Variants in FAM114A2 observed in about 807,000 individuals in gnomAD.
FAM114A2 encodes the protein protein FAM114A2.
Under a neutral mutation model 58.4 loss-of-function variants are expected in FAM114A2, and 53 were observed. The observed-to-expected ratio is 0.91, with a 90% confidence interval of 0.73 to 1.14. FAM114A2 has a LOEUF of 1.14. Among genes scored for constraint, FAM114A2 ranks in the 50% most tolerant of loss-of-function variants. The pLI, the probability that FAM114A2 is intolerant of heterozygous loss-of-function variation, is 0.00. For synonymous variants in FAM114A2, 228 were observed against 211.4 expected, an observed-to-expected ratio of 1.08 and a Z score of -0.68; for missense variants, 601 against 581.1, an observed-to-expected ratio of 1.03 and a Z score of -0.35.
At chr5:154,027,894 C>CA (rs1771901125) in intron 6 of FAM114A2, among the ~76,000 whole-genome samples, 1 of 152,048 alleles carries the variant, frequency 6.6e-6, no homozygotes, top group African/African-American at 2.4e-5. Context: ...AACAAACAAA[C>CA]AAAAAACCCT....
At chr5:154,024,378 C>A (rs1224797624) in intron 8 of FAM114A2, among the ~76,000 whole-genome samples, 1 of 152,024 alleles carries the variant, frequency 6.6e-6, no homozygotes, top group African/African-American at 2.4e-5. Flanking sequence ...CACTTATTAA[C>A]ATAAACCTAC....
intron 1 of FAM114A2, among the ~76,000 whole-genome samples, chr5:154,035,793 TAC>T (rs1424875983): frequency 6.6e-6 from 1 of 152,236 alleles, no homozygotes; most frequent in Non-Finnish European, 1.5e-5. Flanking sequence ...TACACCATTT[TAC>T]ATTTCCACCA....
At chr5:153,997,299 A>C (rs766364263) in intron 12 of FAM114A2, among the ~76,000 whole-genome samples, 2 of 152,220 alleles carry the variant, frequency 1.3e-5, no homozygotes, top group Non-Finnish European at 2.9e-5. Flanking sequence ...AAAAACATAC[A>C]TGCATGTTCA....
At chr5:154,008,112 A>T (rs1022673241) in intron 9 of FAM114A2, among the ~76,000 whole-genome samples, 1 of 152,230 alleles carries the variant, frequency 6.6e-6, no homozygotes, top group Non-Finnish European at 1.5e-5. Flanking sequence ...TGAAAAAAGC[A>T]GAGCGCTAAA....
In FAM114A2 at chr5:154,028,261, C is replaced by A. The variant is rs779259950; in HGVS notation, c.518G>T (p.Gly173Val). 2.5e-6 allele frequency: 4 copies of A among 1,603,234 alleles called. No individual in the cohort carries two copies. Among genetic ancestry groups the A allele is most frequent in the Non-Finnish European group, 8.5e-7 (1 of 1,171,586 alleles). The stretch of plus-strand genomic sequence containing the variant: ...TCCAATGAATTCTAAGGCATCCAAA[C>A]CCCCACTTATAACACTCTTTCCCTA... ...QSTGKSVISGGLDALEFIGKK... is the reference protein window; with the variant it reads ...QSTGKSVISGVLDALEFIGKK... Residue 173 changes from glycine to valine, a missense_variant, in exon 6 of 14, where the codon GGT becomes GTT. Gly to Val is a moderately radical substitution (Grantham distance 109). Coordinates refer to ENST00000351797, the MANE Select transcript of FAM114A2 (RefSeq NM_018691.4).
At chr5:154,006,107 A>G (rs1210521281) in intron 9 of FAM114A2, among the ~76,000 whole-genome samples, 1 of 152,262 alleles carries the variant, frequency 6.6e-6, no homozygotes, top group African/African-American at 2.4e-5. Flanking sequence ...AGCATGAACT[A>G]TATAAAGGCT....
chr5:154,011,152 C>A (rs1554082180), intron 9 of FAM114A2, 89 bp downstream of exon 9: 14 of 1,035,102 alleles, frequency 1.4e-5, no homozygotes, highest in East Asian at 2.4e-5. Context: ...TTTGGTGACA[C>A]CTCTGCCAGG....
chr5:154,027,212 T>G lies in FAM114A2; in HGVS notation c.753A>C (p.Glu251Asp), dbSNP rs1771844734. ...TTTCTTGGGAAAGCATCTCCAGAGC[T>G]TCTAGATGTGAAAGGCCTTGAAATT... is the stretch of plus-strand genomic sequence containing the variant. ...FDEFQGLSHLEALEMLSQESE... is the reference protein window; with the variant it reads ...FDEFQGLSHLDALEMLSQESE... Residue 251 changes from glutamate to aspartate, a missense_variant, in exon 7 of 14, where the codon GAA (glutamate) becomes GAC (aspartate). By Grantham distance (45) the Glu-to-Asp change is conservative (BLOSUM62 2). Coordinates refer to ENST00000351797, the MANE Select transcript of FAM114A2 (RefSeq NM_018691.4). The G allele has an allele frequency of 6.2e-7, 1 of 1,613,384 alleles. No homozygotes were observed. The highest frequency in any genetic ancestry group is 1.1e-5 in the South Asian group (1 of 91,004).
intron 6 of FAM114A2, 80 bp from the exon 7 acceptor site, chr5:154,027,414 C>T (rs1410407154): frequency 1.2e-5 from 15 of 1,272,806 alleles, no homozygotes; most frequent in Non-Finnish European, 1.6e-5. Flanking sequence ...GGAAGCAAAG[C>T]TTAGACAGGT....
At chr5:154,025,700 T>C (rs1000181360) in intron 8 of FAM114A2, among the ~76,000 whole-genome samples, 8 of 152,050 alleles carry the variant, frequency 5.3e-5, no homozygotes, top group African/African-American at 1.9e-4. Context: ...GATTCCACTT[T>C]TTTAAAAAAA....
chr5:154,021,234 C>A (rs1426198784), intron 8 of FAM114A2, among the ~76,000 whole-genome samples: 3 of 152,124 alleles, frequency 2.0e-5, no homozygotes, highest in Non-Finnish European at 4.4e-5. Flanking sequence ...TGAAAACTGG[C>A]ACAAGACAGG....
intron 8 of FAM114A2, among the ~76,000 whole-genome samples, chr5:154,018,970 T>C (rs767403648): frequency 2.0e-5 from 3 of 152,076 alleles, no homozygotes; most frequent in Non-Finnish European, 4.4e-5. Flanking sequence ...TGGAGAGAAG[T>C]TGAAAGCATT....
chr5:154,018,299 A>G (rs1771179121), intron 8 of FAM114A2, among the ~76,000 whole-genome samples: 1 of 152,224 alleles, frequency 6.6e-6, no homozygotes, highest in Admixed American at 6.5e-5. Context: ...CGCATAAACT[A>G]GAAAACCTAG....
intron 8 of FAM114A2, among the ~76,000 whole-genome samples, chr5:154,018,461 C>A (rs1771193949): frequency 6.6e-6 from 1 of 152,064 alleles, no homozygotes; most frequent in Non-Finnish European, 1.5e-5. Flanking sequence ...GACGGATTCA[C>A]AGCAGAATTC....
chr5:154,001,546 C>T (rs1769973484), intron 11 of FAM114A2, among the ~76,000 whole-genome samples: 1 of 152,160 alleles, frequency 6.6e-6, no homozygotes, highest in African/African-American at 2.4e-5. Flanking sequence ...AGGAAGTCTG[C>T]AGAAGACTGA....
At chr5:154,025,803 T>C (rs1025442509) in intron 8 of FAM114A2, among the ~76,000 whole-genome samples, 2 of 152,194 alleles carry the variant, frequency 1.3e-5, no homozygotes, top group African/African-American at 4.8e-5. Context: ...CTGGCAATTA[T>C]ACTTTACGTC....
At chr5:154,029,731 T>C (rs1183803638) in intron 4 of FAM114A2, 151 bp from the exon 5 acceptor site, 3 of 482,030 alleles carry the variant, frequency 6.2e-6, no homozygotes. Flanking sequence ...TTGCTTATTT[T>C]AAAATGAAAG....
intron 13 of FAM114A2, 53 bp downstream of exon 13, chr5:153,994,866 A>G (rs1011932881): frequency 1.7e-6 from 2 of 1,164,682 alleles, no homozygotes; most frequent in Non-Finnish European, 2.6e-6. Context: ...GCTTCAGAAG[A>G]GTTAATTATA....
At chr5:154,023,990 T>C (rs1771616255) in intron 8 of FAM114A2, among the ~76,000 whole-genome samples, 1 of 152,184 alleles carries the variant, frequency 6.6e-6, no homozygotes, top group African/African-American at 2.4e-5. Context: ...TTGCTTTTAA[T>C]AGACATCTCA....
Sources: allele counts gnomAD v4.1 joint callset (sites outside exome capture counted in the v4.1 genomes callset), GRCh38; gene constraint gnomAD v4.1.1; transcripts MANE v1.5; gene names NCBI Gene and HGNC (gene_info 2026-07-23, HGNC 2026-07-21).